PTPRT: variants seen among roughly 807,000 people sequenced by gnomAD.
The protein encoded by PTPRT is receptor-type tyrosine-protein phosphatase T.
A neutral mutation model predicts 176.8 loss-of-function variants in PTPRT; 56 were observed. The observed-to-expected ratio is 0.32, with a 90% CI of 0.26 to 0.40. The LOEUF (loss-of-function observed/expected upper bound fraction) is 0.40, where lower values mean the gene tolerates loss of function less well. Among genes scored for constraint, PTPRT ranks in the 10% least tolerant of loss-of-function variants. The probability of loss-of-function intolerance (pLI) is 1.00; values close to 1 mark genes in which losing one functional copy is unlikely to be tolerated. For missense variants in PTPRT, 1,540 were observed against 1,908.2 expected (o/e 0.81, Z 3.60); for synonymous variants, 783 against 739.0 (o/e 1.06, Z -0.96).
chr20:42,589,640 A>G (rs762649176), intron 7 of PTPRT, among the ~76,000 whole-genome samples: 29 of 152,054 alleles, frequency 1.9e-4, no homozygotes, highest in Middle Eastern at 3.2e-3. Flanking sequence ...ATCCCCCTTC[A>G]GCTCCTGAAA....
chr20:42,570,633 C>T (rs1250233396), intron 7 of PTPRT, among the ~76,000 whole-genome samples: 2 of 152,052 alleles, frequency 1.3e-5, no homozygotes, highest in Non-Finnish European at 2.9e-5. Flanking sequence ...TCTCTTGGTA[C>T]CTGAATTGGT....
At chr20:42,289,896 C>T (rs1471650193) in intron 12 of PTPRT, among the ~76,000 whole-genome samples, 1 of 152,030 alleles carries the variant, frequency 6.6e-6, no homozygotes, top group Admixed American at 6.6e-5. Flanking sequence ...AAACGTGATG[C>T]CAAAACGTTT....
intron 9 of PTPRT, among the ~76,000 whole-genome samples, chr20:42,397,050 C>T (rs144408500): frequency 1.8e-4 from 28 of 152,258 alleles, no homozygotes; most frequent in East Asian, 5.8e-4. Context: ...GCATTATTGC[C>T]GTCTGATTTA....
At chr20:42,418,360 A>G (rs940618775) in intron 9 of PTPRT, among the ~76,000 whole-genome samples, 2 of 152,188 alleles carry the variant, frequency 1.3e-5, no homozygotes, top group African/African-American at 4.8e-5. Flanking sequence ...CCAGTCTAAA[A>G]TGACAGAACT....
At chr20:42,184,614 T>TCTTCTTCTTCTTCTTCTCCTC (rs1990692690) in intron 16 of PTPRT, among the ~76,000 whole-genome samples, 15 of 142,672 alleles carry the variant, frequency 1.1e-4, no homozygotes, top group African/African-American at 3.9e-4. Context: ...TTCTTCTTCT[T>TCTTCTTCTTCTTCTTCTCCTC]CTCCTCCTTC....
At chr20:42,284,402 C>G (rs2057193344) in intron 12 of PTPRT, among the ~76,000 whole-genome samples, 1 of 152,026 alleles carries the variant, frequency 6.6e-6, no homozygotes, top group Non-Finnish European at 1.5e-5. Context: ...TTTCCATCTT[C>G]TTCAACTGAT....
intron 6 of PTPRT, among the ~76,000 whole-genome samples, chr20:42,747,721 G>A (rs1475609030): frequency 6.6e-6 from 1 of 152,172 alleles, no homozygotes; most frequent in Admixed American, 6.5e-5. Context: ...TCAAGGAAGA[G>A]GAAATGGATC....
chr20:42,741,004 C>T (rs1298605836), intron 6 of PTPRT, among the ~76,000 whole-genome samples: 2 of 152,054 alleles, frequency 1.3e-5, no homozygotes, highest in Admixed American at 1.3e-4. Flanking sequence ...CATGTGCATG[C>T]TGGAGAAAGG....
At chr20:42,946,116 C>T (rs1407914433) in intron 1 of PTPRT, among the ~76,000 whole-genome samples, 1 of 152,222 alleles carries the variant, frequency 6.6e-6, no homozygotes, top group Non-Finnish European at 1.5e-5. Flanking sequence ...CAGAGAGCAG[C>T]ACAGAGTACA....
intron 1 of PTPRT, among the ~76,000 whole-genome samples, chr20:43,175,406 G>T (rs2015102644): frequency 6.6e-6 from 1 of 152,236 alleles, no homozygotes; most frequent in Admixed American, 6.5e-5. Flanking sequence ...GTCTTGAAAA[G>T]ATGACAGAAG....
intron 15 of PTPRT, among the ~76,000 whole-genome samples, chr20:42,216,983 A>C (rs1202220068): frequency 2.0e-5 from 3 of 152,180 alleles, no homozygotes; most frequent in Non-Finnish European, 2.9e-5. Context: ...GCTAGGTTCT[A>C]TATTTTGAGA....
chr20:42,295,232 T>C (rs911387930), intron 12 of PTPRT, among the ~76,000 whole-genome samples: 2 of 152,114 alleles, frequency 1.3e-5, no homozygotes, highest in African/African-American at 4.8e-5. Flanking sequence ...GATTGAATAA[T>C]GTACACATGC....
chr20:42,514,479 A>T (rs1297089210), intron 7 of PTPRT, among the ~76,000 whole-genome samples: 1 of 152,070 alleles, frequency 6.6e-6, no homozygotes, highest in Non-Finnish European at 1.5e-5. Flanking sequence ...ACTGAGATTC[A>T]TGATTTACTC....
At chr20:42,791,123 C>T (rs2145545026) in intron 3 of PTPRT, 72 bp downstream of exon 3, 1 of 1,504,290 alleles carries the variant, frequency 6.6e-7, no homozygotes, top group Non-Finnish European at 8.9e-7. Context: ...AGACCTAGCA[C>T]CTGTAGGGAG....
intron 12 of PTPRT, among the ~76,000 whole-genome samples, chr20:42,295,242 CA>C (rs1275740910): frequency 6.6e-6 from 1 of 152,094 alleles, no homozygotes; most frequent in African/African-American, 2.4e-5. Context: ...TGTACACATG[CA>C]AGAGAATTAG....
chr20:42,646,778 C>G (rs1290114066), intron 7 of PTPRT, among the ~76,000 whole-genome samples: 2 of 151,730 alleles, frequency 1.3e-5, no homozygotes, highest in East Asian at 1.9e-4. Flanking sequence ...TGACTCAACC[C>G]CACCCACATC....
chr20:42,959,348 A>G (rs1264532808), intron 1 of PTPRT, among the ~76,000 whole-genome samples: 12 of 152,230 alleles, frequency 7.9e-5, no homozygotes, highest in Admixed American at 7.8e-4. Flanking sequence ...ACCAAAAGAC[A>G]TAACTAATTT....
At chr20:42,783,247 T>C (rs2077239843) in intron 3 of PTPRT, among the ~76,000 whole-genome samples, 1 of 152,206 alleles carries the variant, frequency 6.6e-6, no homozygotes, top group African/African-American at 2.4e-5. Context: ...CAAGTGTGCT[T>C]TGTATGTTAG....
At chr20:43,180,977 G>C (rs776875603) in intron 1 of PTPRT, among the ~76,000 whole-genome samples, 2 of 152,074 alleles carry the variant, frequency 1.3e-5, no homozygotes, top group Admixed American at 6.6e-5. Flanking sequence ...GGTTACAAAG[G>C]ACTGTGACTT....
Sources: gnomAD v4.1 joint callset for allele counts (sites outside exome capture counted in the v4.1 genomes callset) on GRCh38, gnomAD v4.1.1 for gene constraint, MANE v1.5 for transcripts, NCBI Gene and HGNC (gene_info 2026-07-23, HGNC 2026-07-21) for gene names.